CFAP20: variants seen among roughly 807,000 people sequenced by gnomAD.
CFAP20 encodes the protein cilia and flagella associated protein 20, also known as cilia- and flagella-associated protein 20.
In CFAP20, 14 loss-of-function variants were observed where a neutral mutation model predicts 25.5. The observed-to-expected ratio is 0.55, with a 90% CI of 0.36 to 0.86. The LOEUF is 0.86. Among genes scored for constraint, CFAP20 ranks in the 40% least tolerant of loss-of-function variants. The pLI, the probability that CFAP20 is intolerant of heterozygous loss-of-function variation, is 0.01. For missense variants in CFAP20, 181 were observed against 248.0 expected (o/e 0.73, Z 1.81); for synonymous variants, 75 against 91.1 (o/e 0.82, Z 1.01).
intron 2 of CFAP20, 35 bp downstream of exon 2, chr16:58,116,837 A>G (rs1455663322): frequency 1.3e-6 from 2 of 1,579,672 alleles, no homozygotes; most frequent in Non-Finnish European, 1.7e-6. Flanking sequence ...TCCCTAGTAT[A>G]TGATGTCTCT....
chr16:58,125,155 A>G (rs1393007769), intron 1 of CFAP20, among the ~76,000 whole-genome samples: 1 of 152,190 alleles, frequency 6.6e-6, no homozygotes, highest in Admixed American at 6.5e-5. Context: ...GTTAAAAACT[A>G]AGACACAAAC....
At position 58,124,849 on chromosome 16, in the gene CFAP20, G is replaced by A. The variant is rs940359251; in HGVS notation, c.84+4183C>T. On this transcript the variant is annotated intron_variant, in intron 1 of 5. Transcript: ENST00000262498. ...GTTAGTGCTGGGATTACAGGCATGA[G>A]CCACTGTGCTTTAGTTATTTAGTTA... Among the ~76,000 whole-genome samples the A allele has an allele frequency of 2.6e-5, 4 of 152,140 alleles. No individual in the cohort carries two copies. In the East Asian group the frequency reaches 7.7e-4, roughly 29 times the overall value.
rs751006031 is a variant in CFAP20 at position 58,129,121 on chromosome 16, C to T, written c.-6G>A. On this transcript the variant is annotated 5_prime_UTR_variant, in exon 1 of 6. Transcript: ENST00000262498. ...TGGAACGTGTTTTTGAACATCTCGC[C>T]GGCGGCCTTCTCCTAAGCCGCCCCC... 33 of 1,613,484 alleles carry T rather than the reference C, an allele frequency of 2.0e-5. No individual in the cohort carries two copies. Among genetic ancestry groups the T allele is most frequent in the Middle Eastern group, 3.3e-4 (2 of 6,084 alleles).
At chr16:58,118,396 T>C (rs939073403) in intron 1 of CFAP20, among the ~76,000 whole-genome samples, 2 of 151,130 alleles carry the variant, frequency 1.3e-5, no homozygotes, top group Admixed American at 6.6e-5. Flanking sequence ...GGTGGGAGGA[T>C]CACTTGAGCT....
chr16:58,127,457 GC>G (rs1386894398), intron 1 of CFAP20, among the ~76,000 whole-genome samples: 1 of 152,146 alleles, frequency 6.6e-6, no homozygotes, highest in Admixed American at 6.5e-5. Flanking sequence ...GGCACAGAGG[GC>G]CCCCCTCTCT....
chr16:58,116,830 C>T (rs775072906), intron 2 of CFAP20, 42 bp downstream of exon 2: 37 of 1,560,616 alleles, frequency 2.4e-5, no homozygotes, highest in Non-Finnish European at 3.3e-5. Flanking sequence ...TACTGCCTCC[C>T]TAGTATATGA....
At chr16:58,124,597 C>T (rs140401795) in intron 1 of CFAP20, among the ~76,000 whole-genome samples, 1 of 152,226 alleles carries the variant, frequency 6.6e-6, no homozygotes, top group Non-Finnish European at 1.5e-5. Context: ...CATAATGGTA[C>T]GTATTTGTGT....
intron 3 of CFAP20, 175 bp from the exon 4 acceptor site, chr16:58,115,632 A>C: frequency 1.4e-6 from 1 of 698,200 alleles, no homozygotes. Context: ...GGAAGTAGCA[A>C]GTTTATCTTG....
intron 4 of CFAP20, 166 bp downstream of exon 4, chr16:58,115,103 C>T: frequency 9.2e-7 from 1 of 1,089,314 alleles, no homozygotes; most frequent in East Asian, 2.5e-5. Flanking sequence ...TATACCTGAC[C>T]CGACTTCTGA....
At chr16:58,114,160 G>A in intron 5 of CFAP20, 130 bp from the exon 6 acceptor site, 2 of 986,644 alleles carry the variant, frequency 2.0e-6, no homozygotes, top group Non-Finnish European at 3.3e-6. Context: ...CACATCTGCA[G>A]CACACAGGCA....
At chr16:58,116,176 A>C (rs772917562) in intron 2 of CFAP20, 24 bp from the exon 3 acceptor site, 3 of 1,509,210 alleles carry the variant, frequency 2.0e-6, no homozygotes, top group Non-Finnish European at 2.8e-6. Context: ...AAATACTAAT[A>C]AACACACTCC....
intron 1 of CFAP20, among the ~76,000 whole-genome samples, chr16:58,125,543 G>A (rs1187534461): frequency 2.6e-5 from 4 of 152,130 alleles, no homozygotes; most frequent in African/African-American, 9.7e-5. Context: ...AATTAGTGAG[G>A]TGTGGTGGTG....
At chr16:58,123,568 C>T (rs1289614870) in intron 1 of CFAP20, among the ~76,000 whole-genome samples, 1 of 122,494 alleles carries the variant, frequency 8.2e-6, no homozygotes, top group Non-Finnish European at 1.6e-5. Flanking sequence ...TGCACTCCAG[C>T]CTGGGGGACA....
chr16:58,116,475 CTG>C (rs1035639528), intron 2 of CFAP20: 4 of 335,462 alleles, frequency 1.2e-5, no homozygotes, highest in African/African-American at 8.3e-5. Flanking sequence ...AAAACCAAAA[CTG>C]AGACCTCTAT....
intron 1 of CFAP20, among the ~76,000 whole-genome samples, chr16:58,123,595 C>CAAAAAAAAAAAAAAAAAA (rs574037205): frequency 6.6e-5 from 3 of 45,722 alleles, no homozygotes; most frequent in African/African-American, 1.4e-4. Context: ...GACTCTGTCT[C>CAAAAAAAAAAAAAAAAAA]AAAAAAAAAA....
chr16:58,117,083 G>T, intron 1 of CFAP20, 132 bp from the exon 2 acceptor site: 5 of 721,536 alleles, frequency 6.9e-6, no homozygotes, highest in Non-Finnish European at 1.2e-5. Flanking sequence ...TTATATGTAA[G>T]TAAGCCAAGC....
At position 58,129,071 on chromosome 16, in the gene CFAP20, G is replaced by A. The variant is rs772675313; in HGVS notation, c.45C>T (p.Tyr15=). 5.0e-6 allele frequency: 8 copies of A among 1,613,668 alleles called. No individual in the cohort carries two copies. The highest frequency in any genetic ancestry group is 6.8e-6 in the Non-Finnish European group (8 of 1,179,982). ...TTTGCAGAGGCTTGCTGCCGATGCT[G>A]TAGAGGATGGAGAGGAAGCCGCTCT... ...TFQSGFLSIL[Y]SIGSKPLQIW... The change falls in exon 1 of 6, where the codon TAC becomes TAT. Residue 15 remains tyrosine, a synonymous_variant. Transcript: ENST00000262498.
At chr16:58,126,045 G>GT (rs989933028) in intron 1 of CFAP20, among the ~76,000 whole-genome samples, 59 of 152,286 alleles carry the variant, frequency 3.9e-4, no homozygotes, top group African/African-American at 1.3e-3. Flanking sequence ...CTTCATAACC[G>GT]TGAGAAATAG....
At position 58,116,814 on chromosome 16, in the gene CFAP20, A is replaced by G. The variant is rs146983372; in HGVS notation, c.164+58T>C. The G allele has an allele frequency of 5.3e-6, 8 of 1,502,134 alleles. No homozygotes were observed. The African/African-American group carries it at 9.6e-5, about 18-fold the overall frequency. 93.1% of individuals were successfully genotyped at this position (1,502,134 alleles called of 1,614,324 possible). ...TCCGCAGTCTGTGCTATTAACCTCT[A>G]TGACGTACTGCCTCCCTAGTATATG... On this transcript the variant is annotated intron_variant, in intron 2 of 5. Transcript: ENST00000262498.
Sources: allele counts gnomAD v4.1 joint callset (sites outside exome capture counted in the v4.1 genomes callset), GRCh38; gene constraint gnomAD v4.1.1; transcripts MANE v1.5; gene names NCBI Gene and HGNC (gene_info 2026-07-23, HGNC 2026-07-21).